NMS: variants seen among roughly 807,000 people sequenced by gnomAD.
NMS encodes the protein neuromedin S, also known as neuromedin-S.
A neutral mutation model predicts 32.2 loss-of-function variants in NMS; 30 were observed. The ratio of observed to expected loss-of-function variants is 0.93; its 90% CI spans 0.70 to 1.26. The LOEUF (loss-of-function observed/expected upper bound fraction) is 1.26, where lower values mean the gene tolerates loss of function less well. Ranked by LOEUF, NMS falls within the 50% of genes most tolerant of loss-of-function variation. NMS has a pLI of 0.00. For synonymous variants in NMS, 76 were observed against 58.5 expected (o/e 1.30, Z -1.37); for missense variants, 190 against 186.3 (o/e 1.02, Z -0.12).
At position 100,473,481 on chromosome 2, in the gene NMS, T is replaced by C. The variant is rs758124727; in HGVS notation, c.133-8T>C. On this transcript the variant is annotated splice_polypyrimidine_tract_variant and splice_region_variant and intron_variant, in intron 2 of 9. Transcript: ENST00000376865. ...CCTTTGATTTGTTTTCTTCATTTTA[T>C]TTTTTAGCAGCTGGCATATTGTCTG... 4.7e-6 allele frequency: 7 copies of C among 1,482,960 alleles called. No homozygotes were observed. Among genetic ancestry groups the C allele is most frequent in the Non-Finnish European group, 6.3e-6 (7 of 1,106,910 alleles). The allele number at this position is 1,482,960 out of a possible 1,614,324, so 91.9% of individuals were successfully genotyped here.
Position 100,477,434 on chromosome 2 carries a change from C to A in NMS, c.261+20C>A. 6.3e-7 allele frequency: 1 copy of A among 1,590,994 alleles called. No individual in the cohort carries two copies. The highest frequency in any genetic ancestry group is 1.7e-4 in the Middle Eastern group (1 of 6,006). Reference sequence around the variant, plus strand: ...ACTGGGGTCAGTATTTTATTATAATCATCTGTCTGTAAAAGTGGCTCTCCT... The same window carrying A: ...ACTGGGGTCAGTATTTTATTATAATAATCTGTCTGTAAAAGTGGCTCTCCT... On this transcript the variant is annotated intron_variant, in intron 5 of 9. Coordinates refer to ENST00000376865, the MANE Select transcript of NMS (RefSeq NM_001011717.1).
At chr2:100,481,232 G>A in intron 8 of NMS, 65 bp downstream of exon 8, 2 of 1,477,392 alleles carry the variant, frequency 1.4e-6, no homozygotes, top group Non-Finnish European at 1.9e-6. Flanking sequence ...CAATCATGGA[G>A]TGACTGCAAA....
At position 100,479,421 on chromosome 2, in the gene NMS, G is replaced by A. The variant is rs745481137; in HGVS notation, c.330G>A (p.Leu110=). The change falls in exon 6 of 10, where the codon CTG becomes CTA. Residue 110 remains leucine (L), a synonymous_variant. Transcript: ENST00000376865. ...KLANRRMKRI[L]QRGSGTAAVD... The stretch of plus-strand genomic sequence containing the variant: ...CCAACAGGCGGATGAAGAGAATTCT[G>A]CAGCGAGTACGTGCTTTTATTCTTC... 6.2e-7 allele frequency: 1 copy of A among 1,610,884 alleles called. No homozygotes were observed. The highest frequency in any genetic ancestry group is 1.7e-5 in the Admixed American group (1 of 59,502).
At chr2:100,472,700 T>C in intron 1 of NMS, 95 bp from the exon 2 acceptor site, 1 of 770,556 alleles carries the variant, frequency 1.3e-6, no homozygotes, top group Non-Finnish European at 2.2e-6. Flanking sequence ...TGGTTTATTA[T>C]TTTAACAGAA....
chr2:100,472,793 A>C lies in NMS; in HGVS notation c.77-2A>C, dbSNP rs1677026606. On this transcript the variant is annotated splice_acceptor_variant, in intron 1 of 9. Transcript: ENST00000376865. LOFTEE classifies it high-confidence loss of function. ...TAATAATTTTATGATTTCTCACAAT[A>C]GGATTTCCTCAACCTTTAGCTGATC... 6.3e-7 allele frequency: 1 copy of C among 1,598,548 alleles called. No homozygotes were observed.
intron 3 of NMS, among the ~76,000 whole-genome samples, chr2:100,475,609 A>C (rs781313259): frequency 3.3e-5 from 5 of 152,194 alleles, no homozygotes; most frequent in Non-Finnish European, 7.4e-5. Flanking sequence ...TAGTAAAACA[A>C]ACTGAGCACC....
intron 1 of NMS, among the ~76,000 whole-genome samples, chr2:100,471,747 A>G (rs1677010096): frequency 6.6e-6 from 1 of 152,232 alleles, no homozygotes; most frequent in Non-Finnish European, 1.5e-5. Flanking sequence ...TCCAATCACC[A>G]AAAACTTCTT....
intron 9 of NMS, among the ~76,000 whole-genome samples, chr2:100,482,897 A>G (rs184205021): frequency 2.9e-4 from 44 of 152,298 alleles, no homozygotes; most frequent in South Asian, 8.3e-4. Context: ...TGTGGTCCCA[A>G]GGAAATAAGG....
At chr2:100,477,508 T>C (rs1200471651) in intron 5 of NMS, 94 bp downstream of exon 5, 3 of 916,948 alleles carry the variant, frequency 3.3e-6, no homozygotes, top group South Asian at 1.6e-5. Context: ...GTAGAAAAGC[T>C]GGGGGCTCCG....
At chr2:100,477,729 A>G (rs147764959) in intron 5 of NMS, among the ~76,000 whole-genome samples, 65 of 152,264 alleles carry the variant, frequency 4.3e-4, no homozygotes, top group African/African-American at 1.5e-3. Context: ...CTCTCTTTAC[A>G]TTGTTTTTTC....
chr2:100,475,397 C>T (rs569756127), intron 3 of NMS, among the ~76,000 whole-genome samples: 1 of 152,216 alleles, frequency 6.6e-6, no homozygotes, highest in South Asian at 2.1e-4. Context: ...TAAATCAAGA[C>T]AATTCAGAAA....
intron 3 of NMS, among the ~76,000 whole-genome samples, chr2:100,475,999 C>CAAAAAAAAA (rs746460668): frequency 2.0e-4 from 22 of 111,722 alleles, no homozygotes; most frequent in African/African-American, 6.2e-4. Context: ...ACCCTATCTC[C>CAAAAAAAAA]AAAAAAAAAA....
intron 5 of NMS, among the ~76,000 whole-genome samples, chr2:100,478,873 G>A (rs981421321): frequency 5.9e-5 from 9 of 152,202 alleles, no homozygotes; most frequent in African/African-American, 2.2e-4. Context: ...AAGTACACAG[G>A]GAGGATTCAC....
intron 2 of NMS, among the ~76,000 whole-genome samples, 158 bp from the exon 3 acceptor site, chr2:100,473,331 A>C (rs1677040881): frequency 6.6e-6 from 1 of 152,072 alleles, no homozygotes; most frequent in Non-Finnish European, 1.5e-5. Flanking sequence ...CTATTTTGAG[A>C]TATCCCATAG....
chr2:100,479,589 C>T (rs1277400852), intron 6 of NMS, among the ~76,000 whole-genome samples, 162 bp downstream of exon 6: 1 of 152,212 alleles, frequency 6.6e-6, no homozygotes, highest in Non-Finnish European at 1.5e-5. Context: ...CTTTGACCTC[C>T]CCGGGCCTCA....
In NMS at chr2:100,472,870, T is replaced by G. The variant is rs1025798109; in HGVS notation, c.132+20T>G. 6.4e-7 allele frequency: 1 copy of G among 1,565,368 alleles called. No individual in the cohort carries two copies. The highest frequency in any genetic ancestry group is 8.8e-7 in the Non-Finnish European group (1 of 1,137,046). ...CTTGAGGTACCCAATTATTCAGTAA[T>G]GTGAGATTTTTGTTTAGTCTGGACC... is the stretch of plus-strand genomic sequence containing the variant. On this transcript the variant is annotated intron_variant, in intron 2 of 9. Coordinates refer to ENST00000376865, the MANE Select transcript of NMS (RefSeq NM_001011717.1).
At chr2:100,473,598 C>T in intron 3 of NMS, 59 bp downstream of exon 3, 1 of 588,624 alleles carries the variant, frequency 1.7e-6, no homozygotes, top group Non-Finnish European at 2.5e-6. Context: ...AACAAACACA[C>T]TCTTTTGCTA....
intron 3 of NMS, 62 bp from the exon 4 acceptor site, chr2:100,477,182 C>A: frequency 1.4e-6 from 2 of 1,411,750 alleles, no homozygotes; most frequent in South Asian, 1.2e-5. Context: ...ATACAGAAAA[C>A]GTTATCCGTT....
At chr2:100,472,875 G>A (rs1474325449) in intron 2 of NMS, 25 bp downstream of exon 2, 4 of 1,536,708 alleles carry the variant, frequency 2.6e-6, no homozygotes, top group Non-Finnish European at 3.6e-6. Context: ...AGTAATGTGA[G>A]ATTTTTGTTT....
Sources: allele counts gnomAD v4.1 joint callset (sites outside exome capture counted in the v4.1 genomes callset), GRCh38; gene constraint gnomAD v4.1.1; transcripts MANE v1.5; gene names NCBI Gene and HGNC (gene_info 2026-07-23, HGNC 2026-07-21).